The following ITIH5 variants were observed in gnomAD, a reference collection of about 807,000 sequenced individuals.
ITIH5 encodes the protein inter-alpha-trypsin inhibitor heavy chain H5.
Under a neutral mutation model 77.5 loss-of-function variants are expected in ITIH5, and 65 were observed. The observed-to-expected ratio is 0.84, with a 90% CI of 0.69 to 1.03. The LOEUF (loss-of-function observed/expected upper bound fraction) is 1.03. Ranked by LOEUF, ITIH5 falls within the 50% of genes least tolerant of loss-of-function variation. ITIH5 has a pLI of 0.00. For missense variants in ITIH5, 1,208 were observed against 1,213.1 expected (o/e 1.00, Z 0.06); for synonymous variants, 525 against 494.3 (o/e 1.06, Z -0.82).
At chr10:7,587,405 A>G (rs1832701500) in intron 7 of ITIH5, among the ~76,000 whole-genome samples, 1 of 152,186 alleles carries the variant, frequency 6.6e-6, no homozygotes, top group Non-Finnish European at 1.5e-5. Flanking sequence ...AGGGACTTTC[A>G]TTATATAATG....
rs555250619 is a variant in ITIH5, at chr10:7,606,956, C to T, written c.939+9026G>A. ...ATGGCCTAGGGAAAAAATATTTTGCCCTCTGTCCATCATTTATTACCTCAT... is the reference window on the plus strand; with the variant it reads ...ATGGCCTAGGGAAAAAATATTTTGCTCTCTGTCCATCATTTATTACCTCAT... On this transcript the variant is annotated intron_variant, in intron 7 of 13. Transcript: ENST00000397146. Among the ~76,000 whole-genome samples, 3 of 152,204 alleles carry T rather than the reference C, an allele frequency of 2.0e-5. No individual in the cohort carries two copies. The East Asian group carries it at 5.8e-4, about 29-fold the overall frequency.
At chr10:7,592,514 G>T (rs1181746599) in intron 7 of ITIH5, among the ~76,000 whole-genome samples, 2 of 152,180 alleles carry the variant, frequency 1.3e-5, no homozygotes, top group Non-Finnish European at 2.9e-5. Flanking sequence ...AAGAGTAGGG[G>T]AAAGAGGAAA....
At chr10:7,600,504 T>C (rs1380002462) in intron 7 of ITIH5, 1 of 456,602 alleles carries the variant, frequency 2.2e-6, no homozygotes, top group African/African-American at 2.0e-5. Context: ...GCCCGGTCTC[T>C]CCTCCTGGAT....
rs1402263981 is a variant in ITIH5, at chr10:7,629,207, G to A, written c.652+8021C>T. On this transcript the variant is annotated intron_variant, in intron 5 of 13. Transcript: ENST00000397146. ...TTTTCACATGTGTCCCTGTTGTAGCGTGTGTCCCTGTTGTAGCGTGTGCCC... is the reference window on the plus strand; with the variant it reads ...TTTTCACATGTGTCCCTGTTGTAGCATGTGTCCCTGTTGTAGCGTGTGCCC... Among the ~76,000 whole-genome samples, 46 of 133,858 alleles carry A rather than the reference G, an allele frequency of 3.4e-4. 2 individuals are homozygous for A. The highest frequency in any genetic ancestry group is 1.1e-3 in the African/African-American group (40 of 37,340). The allele number at this position is 133,858 out of a possible 152,430, so 87.8% of individuals were successfully genotyped here. A position where few individuals can be genotyped will look rare whatever the true frequency, so the allele number is the denominator to read the frequency against.
chr10:7,666,399 C>G (rs192085588), intron 1 of ITIH5, among the ~76,000 whole-genome samples: 20 of 152,188 alleles, frequency 1.3e-4, no homozygotes, highest in African/African-American at 4.3e-4. Flanking sequence ...TCTAGAACTC[C>G]TCTCATATTG....
intron 10 of ITIH5, among the ~76,000 whole-genome samples, chr10:7,575,683 G>A (rs947019900): frequency 6.6e-6 from 1 of 152,058 alleles, no homozygotes; most frequent in African/African-American, 2.4e-5. Flanking sequence ...CCGGATTCTT[G>A]CAAGAATCCG....
intron 8 of ITIH5, among the ~76,000 whole-genome samples, chr10:7,584,846 A>T (rs1023852944): frequency 6.6e-6 from 1 of 152,144 alleles, no homozygotes; most frequent in East Asian, 1.9e-4. Flanking sequence ...TATCATATTA[A>T]ATCTAATCTT....
intron 1 of ITIH5, among the ~76,000 whole-genome samples, chr10:7,664,036 A>C (rs1834321444): frequency 6.6e-6 from 1 of 152,248 alleles, no homozygotes; most frequent in Admixed American, 6.5e-5. Flanking sequence ...AGTCTGTAGC[A>C]GACAGTTTTT....
intron 7 of ITIH5, among the ~76,000 whole-genome samples, chr10:7,586,866 T>C (rs548985372): frequency 2.6e-5 from 4 of 152,072 alleles, no homozygotes; most frequent in African/African-American, 9.6e-5. Context: ...ACTCTCGCTC[T>C]GTCACCCAGG....
chr10:7,568,543 C>A (rs1537625), intron 12 of ITIH5, among the ~76,000 whole-genome samples: 100,528 of 151,846 alleles, frequency 0.66, 34,629 homozygotes, highest in Non-Finnish European at 0.77. Context: ...AGATTTGGCT[C>A]TGAGGCTATA....
chr10:7,657,041 CTTTTTTTT>C lies in ITIH5; in HGVS notation c.91-1374_91-1367del, dbSNP rs56737624. Among the ~76,000 whole-genome samples the C allele has an allele frequency of 1.5e-4, 15 of 99,862 alleles. No individual in the cohort carries two copies. The East Asian group carries it at 3.9e-3, about 26-fold the overall frequency. The allele number at this position is 99,862 out of a possible 152,430, so 65.5% of individuals were successfully genotyped here. ...ACAGGCGTGAGCCACCGCGTTCGGC[CTTTTTTTT>C]TTTTTTTTTTTTTTAGACGGAGTCT... On this transcript the variant is annotated intron_variant, in intron 1 of 13. Transcript: ENST00000397146.
chr10:7,575,513 G>A (rs371873805), intron 10 of ITIH5, among the ~76,000 whole-genome samples: 20 of 152,262 alleles, frequency 1.3e-4, no homozygotes, highest in South Asian at 4.1e-4. Context: ...TGTGAAACGC[G>A]ATTTTCCACA....
intron 7 of ITIH5, chr10:7,600,385 T>C: frequency 2.7e-6 from 1 of 372,928 alleles, no homozygotes; most frequent in Non-Finnish European, 5.2e-6. Flanking sequence ...TCCTTCAGTC[T>C]AGCACATTCT....
In ITIH5 at chr10:7,563,045, CT is replaced by C; in HGVS notation, c.*37del. ...GCTGCCCCACGGCCTCCCCACATCA[CT>C]GTCCTTCATGCACTTGCATCTTTAA... On this transcript the variant is annotated 3_prime_UTR_variant, in exon 14 of 14. Coordinates refer to ENST00000397146, the MANE Select transcript of ITIH5 (RefSeq NM_030569.7). 1 of 1,593,418 alleles carries C rather than the reference CT, an allele frequency of 6.3e-7. No individual in the cohort carries two copies. Among genetic ancestry groups the C allele is most frequent in the Non-Finnish European group, 8.6e-7 (1 of 1,161,006 alleles).
At chr10:7,642,335 T>G (rs1162182064) in intron 2 of ITIH5, among the ~76,000 whole-genome samples, 2 of 152,216 alleles carry the variant, frequency 1.3e-5, no homozygotes, top group Non-Finnish European at 2.9e-5. Context: ...TTAACCTGAC[T>G]TTAACAAGTG....
intron 3 of ITIH5, 134 bp downstream of exon 3, chr10:7,641,793 A>G: frequency 1.7e-6 from 1 of 599,616 alleles, no homozygotes; most frequent in East Asian, 2.9e-5. Flanking sequence ...TGAACAAAAG[A>G]ATTGACCTTC....
intron 2 of ITIH5, among the ~76,000 whole-genome samples, chr10:7,647,838 C>T (rs916856800): frequency 6.6e-6 from 1 of 152,094 alleles, no homozygotes; most frequent in East Asian, 1.9e-4. Context: ...CTTCACTTTT[C>T]CAGTCTAGGC....
intron 1 of ITIH5, among the ~76,000 whole-genome samples, chr10:7,656,175 C>G (rs567411057): frequency 2.0e-4 from 31 of 152,274 alleles, no homozygotes; most frequent in African/African-American, 7.2e-4. Flanking sequence ...TGGATGATTT[C>G]TTATATGCTT....
chr10:7,657,602 A>G (rs1055694852), intron 1 of ITIH5, among the ~76,000 whole-genome samples: 9 of 152,076 alleles, frequency 5.9e-5, no homozygotes, highest in African/African-American at 2.2e-4. Flanking sequence ...ATTAATTACC[A>G]CACAGCTACT....
Sources: gnomAD v4.1 joint callset for allele counts (sites outside exome capture counted in the v4.1 genomes callset) on GRCh38, gnomAD v4.1.1 for gene constraint, MANE v1.5 for transcripts, NCBI Gene and HGNC (gene_info 2026-07-23, HGNC 2026-07-21) for gene names.